The following ANKAR variants were observed in gnomAD, a reference collection of about 807,000 sequenced individuals.
The protein encoded by ANKAR is ankyrin and armadillo repeat containing.
In ANKAR, 136 loss-of-function variants were observed where a neutral mutation model predicts 146.2. The observed-to-expected ratio is 0.93, with a 90% CI of 0.81 to 1.07. ANKAR has a LOEUF of 1.07. Ranked by LOEUF, ANKAR falls within the 50% of genes least tolerant of loss-of-function variation. The pLI is 0.00. For synonymous variants in ANKAR, 500 were observed against 575.8 expected (o/e 0.87, Z 1.88); for missense variants, 1,567 against 1,679.9 (o/e 0.93, Z 1.18).
At chr2:189,686,497 T>C (rs1468395987) in intron 2 of ANKAR, among the ~76,000 whole-genome samples, 1 of 152,196 alleles carries the variant, frequency 6.6e-6, no homozygotes, top group Non-Finnish European at 1.5e-5. Flanking sequence ...AATTCTTATT[T>C]ATTAAATGAT....
At chr2:189,711,253 A>T (rs2039648256) in intron 10 of ANKAR, 100 bp downstream of exon 10, 1 of 836,552 alleles carries the variant, frequency 1.2e-6, no homozygotes, top group African/African-American at 1.8e-5. Flanking sequence ...TAAAGGAAAA[A>T]TTTTAGTTGA....
At chr2:189,725,822 C>T (rs1022829483) in intron 12 of ANKAR, among the ~76,000 whole-genome samples, 4 of 152,038 alleles carry the variant, frequency 2.6e-5, no homozygotes, top group Non-Finnish European at 5.9e-5. Context: ...GTGGGAGGAT[C>T]GCTTGAGCCT....
intron 7 of ANKAR, among the ~76,000 whole-genome samples, chr2:189,701,721 C>G (rs1415940198): frequency 6.6e-6 from 1 of 152,188 alleles, no homozygotes; most frequent in African/African-American, 2.4e-5. Flanking sequence ...TTCTTGCAGG[C>G]TACTTTATCC....
intron 18 of ANKAR, among the ~76,000 whole-genome samples, chr2:189,752,013 G>T (rs1281173545): frequency 6.6e-6 from 1 of 151,676 alleles, no homozygotes; most frequent in Non-Finnish European, 1.5e-5. Context: ...GCACAGCTGT[G>T]TGAACCTGTA....
At chr2:189,697,483 T>G (rs2037392256) in intron 7 of ANKAR, among the ~76,000 whole-genome samples, 1 of 152,174 alleles carries the variant, frequency 6.6e-6, no homozygotes, top group African/African-American at 2.4e-5. Flanking sequence ...AAACAAAATG[T>G]TTTGCTTTAA....
At position 189,755,504 on chromosome 2, in the gene ANKAR, C is replaced by T. The variant is rs377465918; in HGVS notation, c.*585-5594C>T. The T allele has an allele frequency of 2.1e-5, 33 of 1,601,670 alleles. No homozygotes were observed. The African/African-American group carries it at 2.4e-4, about 12-fold the overall frequency. On this transcript the variant is annotated intron_variant and NMD_transcript_variant, in intron 18 of 18. Coordinates refer to the ANKAR transcript ENST00000441800. ...GGCAGAAAGAGCTTCTTGTACTATTCGTTGAATATTTTCTCTGTGAAGCTG... is the reference window on the plus strand; with the variant it reads ...GGCAGAAAGAGCTTCTTGTACTATTTGTTGAATATTTTCTCTGTGAAGCTG...
At chr2:189,709,326 G>A (rs971060898) in intron 9 of ANKAR, among the ~76,000 whole-genome samples, 2 of 152,156 alleles carry the variant, frequency 1.3e-5, no homozygotes, top group African/African-American at 2.4e-5. Context: ...CTAAATCAAT[G>A]TAGCAAAACA....
At chr2:189,711,332 G>T (rs1175698262) in intron 10 of ANKAR, among the ~76,000 whole-genome samples, 179 bp downstream of exon 10, 1 of 152,100 alleles carries the variant, frequency 6.6e-6, no homozygotes, top group Non-Finnish European at 1.5e-5. Flanking sequence ...CCACATGGAA[G>T]CTGCACAGGA....
chr2:189,681,250 C>T (rs562262918), intron 2 of ANKAR, among the ~76,000 whole-genome samples: 2 of 152,184 alleles, frequency 1.3e-5, no homozygotes, highest in African/African-American at 4.8e-5. Context: ...GTTAAAGCCA[C>T]GAGAGCCTTT....
downstream of ANKAR, chr2:189,762,922 C>T: frequency 4.1e-6 from 4 of 985,370 alleles, no homozygotes; most frequent in Non-Finnish European, 4.8e-6. Context: ...GCATTTCCCC[C>T]AGATTTGCAG....
intron 7 of ANKAR, among the ~76,000 whole-genome samples, chr2:189,704,147 A>ATTT: frequency 6.8e-6 from 1 of 147,512 alleles, no homozygotes; most frequent in Non-Finnish European, 1.5e-5. Flanking sequence ...ATTATTGGGA[A>ATTT]TTTTTTTTTT....
At chr2:189,760,780 ACT>A (rs1307795328) in intron 18 of ANKAR, among the ~76,000 whole-genome samples, 2 of 150,188 alleles carry the variant, frequency 1.3e-5, no homozygotes, top group Non-Finnish European at 1.5e-5. Flanking sequence ...ACAGAGTGAG[ACT>A]CTGTCTCACC....
rs538526500 is a variant in ANKAR at position 189,725,909 on chromosome 2, A to AAAAAG, written c.2636-1926_2636-1922dup. Reference sequence around the variant, plus strand: ...GGTGACAGAGCGAGACCTTGTCTCAAAAAAGAAAAGAAAAGAAAAGAAAAG... The same window carrying AAAAAG: ...GGTGACAGAGCGAGACCTTGTCTCAAAAAAGAAAAGAAAAGAAAAGAAAAGAAAAG... On this transcript the variant is annotated intron_variant, in intron 12 of 22. Transcript: ENST00000684021. 4.5e-4 allele frequency among the ~76,000 whole-genome samples: 68 copies of AAAAAG among 152,272 alleles called. 1 individual carries two copies. The highest frequency in any genetic ancestry group is 3.4e-3 in the Middle Eastern group (1 of 294).
At position 189,731,703 on chromosome 2, in the gene ANKAR, A is replaced by T. The variant is rs991245171; in HGVS notation, c.3300+1102A>T. 1.5e-4 allele frequency among the ~76,000 whole-genome samples: 22 copies of T among 150,892 alleles called. 1 individual carries two copies. Among genetic ancestry groups the T allele is most frequent in the Non-Finnish European group, 1.3e-4 (9 of 67,690 alleles). On this transcript the variant is annotated intron_variant, in intron 16 of 22. Transcript: ENST00000684021. ...TTTTTAATCTGTATTTATTTATTTA[A>T]TTTTTTTTAAATATTGAGATGGGGT...
chr2:189,695,202 T>C (rs1417917927), intron 6 of ANKAR, 41 bp downstream of exon 6: 3 of 1,471,542 alleles, frequency 2.0e-6, no homozygotes, highest in Non-Finnish European at 2.7e-6. Context: ...TATGAAGTTA[T>C]GTATTATTGA....
chr2:189,721,179 G>A (rs2041189889), intron 12 of ANKAR, among the ~76,000 whole-genome samples: 1 of 151,932 alleles, frequency 6.6e-6, no homozygotes, highest in South Asian at 2.1e-4. Flanking sequence ...GTAGAGACAG[G>A]GTTTCACCAT....
At chr2:189,700,065 C>T (rs189478716) in intron 7 of ANKAR, among the ~76,000 whole-genome samples, 9 of 150,658 alleles carry the variant, frequency 6.0e-5, no homozygotes, top group Non-Finnish European at 1.3e-4. Context: ...CTCTGATGCT[C>T]GTCCTTCCTT....
intron 12 of ANKAR, among the ~76,000 whole-genome samples, chr2:189,725,279 TACACACACACAC>T (rs10546393): frequency 8.9e-4 from 131 of 146,572 alleles, no homozygotes; most frequent in Middle Eastern, 3.4e-3. Flanking sequence ...TATGGATTTA[TACACACACACAC>T]ACACACACAC....
At chr2:189,706,755 T>C (rs896061638) in intron 8 of ANKAR, among the ~76,000 whole-genome samples, 183 bp from the exon 9 acceptor site, 2 of 152,172 alleles carry the variant, frequency 1.3e-5, no homozygotes, top group Non-Finnish European at 2.9e-5. Flanking sequence ...TAGGGTCCCA[T>C]AGTAAGGATG....
Sources: gnomAD v4.1 joint callset for allele counts (sites outside exome capture counted in the v4.1 genomes callset) on GRCh38, gnomAD v4.1.1 for gene constraint, MANE v1.5 for transcripts, NCBI Gene and HGNC (gene_info 2026-07-23, HGNC 2026-07-21) for gene names.